The following PRELP variants were observed in gnomAD, a reference collection of about 807,000 sequenced individuals.
The protein encoded by PRELP is prolargin.
Under a neutral mutation model 22.8 loss-of-function variants are expected in PRELP, and 16 were observed. The observed-to-expected ratio is 0.70, with a 90% CI of 0.47 to 1.06. PRELP has a LOEUF of 1.06. PRELP is among the 50% of genes least tolerant of loss of function. The pLI is 0.00. For missense variants in PRELP, 434 were observed against 485.2 expected (o/e 0.89, Z 0.99); for synonymous variants, 233 against 211.4 (o/e 1.10, Z -0.89).
chr1:203,486,676 C>T, intron 2 of PRELP, 30 bp from the exon 3 acceptor site: 1 of 1,591,514 alleles, frequency 6.3e-7, no homozygotes, highest in Non-Finnish European at 8.6e-7. Context: ...CCTCCACTCC[C>T]TTCTGATTTC....
rs189795065 is a variant in PRELP, at chr1:203,478,304, C to G, written c.-17+2366C>G. 4.1e-3 allele frequency among the ~76,000 whole-genome samples: 620 copies of G among 152,258 alleles called. 5 individuals are homozygous for G. The highest frequency in any genetic ancestry group is 8.7e-3 in the Admixed American group (133 of 15,302). On this transcript the variant is annotated intron_variant, in intron 1 of 2. Transcript: ENST00000343110. ...ACACTCTTCTAGGCTTTCTTCAAGG[C>G]TTGGAGATGCTGGGGGAATGGGGCA...
rs202107811 is a variant in PRELP at position 203,486,764 on chromosome 1, G to A, written c.1032G>A (p.Ser344=). 5 of 1,614,076 alleles carry A rather than the reference G, an allele frequency of 3.1e-6. No homozygotes were observed. Among genetic ancestry groups the A allele is most frequent in the East Asian group, 4.5e-5 (2 of 44,886 alleles). Residue 344 remains serine (S), a synonymous_variant, in exon 3 of 3, where the codon TCG becomes TCA. Transcript: ENST00000343110. ...NDLVAFHDFS[S]DLENVPHLRY... ...TAGTGGCGTTCCATGACTTCTCCTC[G>A]GACCTGGAGAACGTGCCACACCTGC...
At chr1:203,484,181 G>GGGGGGGGGGGGGC in intron 2 of PRELP, 24 bp downstream of exon 2, 3 of 1,511,600 alleles carry the variant, frequency 2.0e-6, no homozygotes, top group Non-Finnish European at 1.8e-6. Flanking sequence ...GCCGGGGCGG[G>GGGGGGGGGGGGGC]GCCGAAGGCA....
Position 203,490,592 on chromosome 1 carries a change from CAGAG to C in PRELP, c.*3714_*3717del, listed in dbSNP as rs1050480744. 1 of 152,220 alleles carries C rather than the reference CAGAG, an allele frequency of 6.6e-6. No homozygotes were observed. The highest frequency in any genetic ancestry group is 6.5e-5 in the Admixed American group (1 of 15,278). The allele number at this position is 152,220 out of a possible 1,614,324, so 9.4% of individuals were successfully genotyped here. A position where few individuals can be genotyped will look rare whatever the true frequency, so the allele number is the denominator to read the frequency against. On this transcript the variant is annotated 3_prime_UTR_variant, in exon 3 of 3. Transcript: ENST00000343110. ...AACAGTAAAAGAGCCATCTCAAGGA[CAGAG>C]AGCATAGACCAAGTCATCTGGAATG...
chr1:203,486,947 GC>G lies in PRELP; in HGVS notation c.*68del. 1 of 1,454,386 alleles carries G rather than the reference GC, an allele frequency of 6.9e-7. No homozygotes were observed. The highest frequency in any genetic ancestry group is 1.3e-5 in the South Asian group (1 of 74,076). 90.1% of individuals were successfully genotyped at this position (1,454,386 alleles called of 1,614,324 possible). On this transcript the variant is annotated 3_prime_UTR_variant, in exon 3 of 3. Coordinates refer to ENST00000343110, the MANE Select transcript of PRELP (RefSeq NM_002725.4). The stretch of plus-strand genomic sequence containing the variant: ...GGCTGGGGCCCAGGCACCTGTGCCG[GC>G]CATTCGTTTTCTCTCTCTCCCTTTC...
chr1:203,487,159 A>G lies in PRELP; in HGVS notation c.*278A>G, dbSNP rs1661107831. ...TTGCTCCAGAAACACAGATGTGTCTAAAGACTTGGTGTCCCCTTCTCTCTC... is the reference window on the plus strand; with the variant it reads ...TTGCTCCAGAAACACAGATGTGTCTGAAGACTTGGTGTCCCCTTCTCTCTC... On this transcript the variant is annotated 3_prime_UTR_variant, in exon 3 of 3. Coordinates refer to ENST00000343110, the MANE Select transcript of PRELP (RefSeq NM_002725.4). 2.7e-6 allele frequency: 1 copy of G among 371,138 alleles called. No homozygotes were observed. The highest frequency in any genetic ancestry group is 4.9e-5 in the South Asian group (1 of 20,592). The allele number at this position is 371,138 out of a possible 1,614,324, so 23.0% of individuals were successfully genotyped here. A position where few individuals can be genotyped will look rare whatever the true frequency, so the allele number is the denominator to read the frequency against.
rs146499921 is a variant in PRELP, at chr1:203,484,027, G to A, written c.843G>A (p.Arg281=). 1.6e-4 allele frequency: 254 copies of A among 1,614,114 alleles called. No homozygotes were observed. Among genetic ancestry groups the A allele is most frequent in the Admixed American group, 2.8e-4 (17 of 60,016 alleles). The change falls in exon 2 of 3, where the codon AGG becomes AGA. Residue 281 remains arginine, a synonymous_variant. Transcript: ENST00000343110. ...TTAACTACAACAAGCTGACAGACAGGGGACTCCCCAAGAACTCCTTTAATA... is the reference window on the plus strand; with the variant it reads ...TTAACTACAACAAGCTGACAGACAGAGGACTCCCCAAGAACTCCTTTAATA... The part of the protein sequence containing the change: ...IRLNYNKLTD[R]GLPKNSFNIS...
At chr1:203,479,505 C>T (rs1324141258) in intron 1 of PRELP, among the ~76,000 whole-genome samples, 4 of 151,782 alleles carry the variant, frequency 2.6e-5, no homozygotes, top group African/African-American at 9.7e-5. Context: ...GGGTTGGAGA[C>T]CAGCCTGGGC....
chr1:203,485,194 CTG>C (rs1207683920), intron 2 of PRELP, among the ~76,000 whole-genome samples: 3 of 151,232 alleles, frequency 2.0e-5, no homozygotes, highest in Non-Finnish European at 4.4e-5. Flanking sequence ...AAGGGGAAGA[CTG>C]TATAATTTTA....
At chr1:203,480,738 T>G (rs1660985397) in intron 1 of PRELP, among the ~76,000 whole-genome samples, 1 of 152,190 alleles carries the variant, frequency 6.6e-6, no homozygotes. Context: ...CCCACATAAC[T>G]TGCTCCTGGG....
At position 203,483,194 on chromosome 1, in the gene PRELP, C is replaced by T; in HGVS notation, c.10C>T (p.Pro4Ser). Reference sequence around the variant, plus strand: ...GTGCATCACCTGGATCATGAGGTCACCCCTCTGCTGGCTCCTCCCACTTCT... The same window carrying T: ...GTGCATCACCTGGATCATGAGGTCATCCCTCTGCTGGCTCCTCCCACTTCT... MRS[P>S]LCWLLPLLIL... Residue 4 changes from proline (P) to serine (S), a missense_variant, in exon 2 of 3, where the codon CCC becomes TCC. By Grantham distance (74) the Pro-to-Ser change is moderately conservative (BLOSUM62 -1). Transcript: ENST00000343110. This position sits in a 1 kb window ranked among gnomAD's most constrained non-coding sequence, Gnocchi z 4.4. 6.5e-7 allele frequency: 1 copy of T among 1,543,940 alleles called. No homozygotes were observed. The highest frequency in any genetic ancestry group is 8.7e-7 in the Non-Finnish European group (1 of 1,148,964).
chr1:203,475,857 C>T lies in PRELP; in HGVS notation c.-98C>T, dbSNP rs1321920275. The T allele has an allele frequency of 6.5e-6, 1 of 152,992 alleles. No homozygotes were observed. Among genetic ancestry groups the T allele is most frequent in the Non-Finnish European group, 1.5e-5 (1 of 68,446 alleles). The allele number at this position is 152,992 out of a possible 1,614,324, so 9.5% of individuals were successfully genotyped here. On this transcript the variant is annotated 5_prime_UTR_variant, in exon 1 of 3. Transcript: ENST00000343110. The stretch of plus-strand genomic sequence containing the variant: ...GAGATCAGATCTTCTAGCTGGCTCT[C>T]TGCTGCCACAGCTCCGCCGAAGGGA...
chr1:203,482,230 T>C (rs999615519), intron 1 of PRELP, among the ~76,000 whole-genome samples: 6 of 151,910 alleles, frequency 3.9e-5, no homozygotes, highest in East Asian at 3.9e-4. Flanking sequence ...AAGGGTCTTC[T>C]CTGACAAGCC....
At position 203,483,201 on chromosome 1, in the gene PRELP, G is replaced by A; in HGVS notation, c.17G>A (p.Cys6Tyr). 1 of 1,551,158 alleles carries A rather than the reference G, an allele frequency of 6.4e-7. No individual in the cohort carries two copies. Among genetic ancestry groups the A allele is most frequent in the African/African-American group, 1.4e-5 (1 of 72,216 alleles). Reference sequence around the variant, plus strand: ...ACCTGGATCATGAGGTCACCCCTCTGCTGGCTCCTCCCACTTCTCATCTTG... The same window carrying A: ...ACCTGGATCATGAGGTCACCCCTCTACTGGCTCCTCCCACTTCTCATCTTG... MRSPL[C>Y]WLLPLLILAS... Residue 6 changes from cysteine to tyrosine, a missense_variant, in exon 2 of 3, where the codon TGC becomes TAC. Physicochemically the swap from Cys to Tyr is radical, Grantham distance 194 (BLOSUM62 -2). Transcript: ENST00000343110. The surrounding 1 kb of genome is among the most constrained non-coding windows in gnomAD (Gnocchi z 4.4).
Position 203,483,442 on chromosome 1 carries a change from C to T in PRELP, c.258C>T (p.Ala86=), listed in dbSNP as rs1335220554. ...ACTGCCCCCCTGATTTCCCATCTGCCCTCTACTGTGATAGCCGCAACCTGC... is the reference window on the plus strand; with the variant it reads ...ACTGCCCCCCTGATTTCCCATCTGCTCTCTACTGTGATAGCCGCAACCTGC... The part of the protein sequence containing the change: ...ECYCPPDFPS[A]LYCDSRNLRK... The change falls in exon 2 of 3, where the codon GCC becomes GCT. Residue 86 remains alanine, a synonymous_variant. Coordinates refer to ENST00000343110, the MANE Select transcript of PRELP (RefSeq NM_002725.4). This position sits in a 1 kb window ranked among gnomAD's most constrained non-coding sequence, Gnocchi z 4.4. 3 of 1,614,052 alleles carry T rather than the reference C, an allele frequency of 1.9e-6. No individual in the cohort carries two copies. In the African/African-American group the frequency reaches 4.0e-5, roughly 22 times the overall value.
chr1:203,477,793 C>T (rs1201210848), intron 1 of PRELP, among the ~76,000 whole-genome samples: 1 of 152,190 alleles, frequency 6.6e-6, no homozygotes, highest in Non-Finnish European at 1.5e-5. Flanking sequence ...AGACTTGCAC[C>T]TTCTGTGGCC....
rs1661094935 is a variant in PRELP at position 203,486,602 on chromosome 1, G to A, written c.974-104G>A. ...ATTCCCAAAGCTAGCCAGTTTCAGA[G>A]AGAAGTCTACAGTCCTTGCTCTCGG... On this transcript the variant is annotated intron_variant, in intron 2 of 2. Transcript: ENST00000343110. The A allele has an allele frequency of 4.5e-6, 5 of 1,122,342 alleles. No individual in the cohort carries two copies. In the Admixed American group the frequency reaches 9.1e-5, roughly 21 times the overall value. The allele number at this position is 1,122,342 out of a possible 1,614,324, so 69.5% of individuals were successfully genotyped here.
At chr1:203,479,173 G>A (rs376284814) in intron 1 of PRELP, among the ~76,000 whole-genome samples, 47 of 152,184 alleles carry the variant, frequency 3.1e-4, no homozygotes, top group African/African-American at 5.5e-4. Context: ...TTCAGAGTGC[G>A]GCGTAACCCT....
At chr1:203,476,600 C>T (rs1053265330) in intron 1 of PRELP, among the ~76,000 whole-genome samples, 7 of 152,100 alleles carry the variant, frequency 4.6e-5, no homozygotes, top group African/African-American at 1.4e-4. Context: ...AAGTCCAGGC[C>T]GAATAGGGAG....
Sources: allele counts gnomAD v4.1 joint callset (sites outside exome capture counted in the v4.1 genomes callset), GRCh38; gene constraint gnomAD v4.1.1; non-coding constraint Gnocchi (gnomAD v3.1); transcripts MANE v1.5; gene names NCBI Gene and HGNC (gene_info 2026-07-23, HGNC 2026-07-21).